MARCHF8: variants seen among roughly 807,000 people sequenced by gnomAD.
MARCHF8 encodes membrane associated ring-CH-type finger 8.
MARCHF8 carries 40 observed loss-of-function variants against 51.6 expected under a neutral mutation model. That is an observed-to-expected ratio of 0.77 (90% CI 0.60 to 1.01). The LOEUF is 1.01. Among genes scored for constraint, MARCHF8 ranks in the 50% least tolerant of loss-of-function variants. The pLI is 0.00. For missense variants in MARCHF8, 685 were observed against 708.6 expected, an observed-to-expected ratio of 0.97 and a Z score of 0.38; for synonymous variants, 263 against 280.3, an observed-to-expected ratio of 0.94 and a Z score of 0.62.
At position 45,533,294 on chromosome 10, in the gene MARCHF8, G is replaced by C; in HGVS notation, c.-78-5C>G. ...TTTTGGGCCATGGATTTCAAGCTGA[G>C]AGAAAATGAAGAGAGAATAAACATA... On this transcript the variant is annotated splice_region_variant and splice_polypyrimidine_tract_variant and intron_variant, in intron 1 of 7. Transcript: ENST00000453424. The C allele has an allele frequency of 6.9e-7, 1 of 1,459,032 alleles. No homozygotes were observed. The highest frequency in any genetic ancestry group is 9.0e-7 in the Non-Finnish European group (1 of 1,105,116). 90.4% of individuals were successfully genotyped at this position (1,459,032 alleles called of 1,614,324 possible).
chr10:45,568,756 A>T (rs1245383943), intron 1 of MARCHF8, among the ~76,000 whole-genome samples: 5 of 147,810 alleles, frequency 3.4e-5, no homozygotes, highest in African/African-American at 1.3e-4. Flanking sequence ...CACTAATGAT[A>T]GCTGGTGAGC....
intron 6 of MARCHF8, 22 bp from the exon 7 acceptor site, chr10:45,459,289 T>C (rs1842713489): frequency 6.2e-7 from 1 of 1,611,788 alleles, no homozygotes; most frequent in Non-Finnish European, 8.5e-7. Flanking sequence ...ACACAGAGTG[T>C]GAGGCTCAGG....
intron 2 of MARCHF8, among the ~76,000 whole-genome samples, chr10:45,519,095 A>C (rs929432799): frequency 1.1e-4 from 17 of 152,198 alleles, no homozygotes; most frequent in African/African-American, 4.1e-4. Context: ...TTTCAATTTG[A>C]TCTTAAAATG....
intron 3 of MARCHF8, among the ~76,000 whole-genome samples, chr10:45,486,906 T>A (rs1425138857): frequency 6.7e-6 from 1 of 149,760 alleles, no homozygotes; most frequent in East Asian, 2.0e-4. Flanking sequence ...GCCTCCCAGG[T>A]TCAAGCGATT....
At chr10:45,467,038 C>A (rs1842991660) in intron 3 of MARCHF8, among the ~76,000 whole-genome samples, 1 of 152,182 alleles carries the variant, frequency 6.6e-6, no homozygotes, top group Non-Finnish European at 1.5e-5. Flanking sequence ...ATGACAGTGA[C>A]AGCGGACCCA....
intron 2 of MARCHF8, among the ~76,000 whole-genome samples, chr10:45,519,061 A>G (rs1198129695): frequency 6.6e-6 from 1 of 152,240 alleles, no homozygotes; most frequent in African/African-American, 2.4e-5. Context: ...AAAACTTCTG[A>G]CAGATTTCAC....
intron 1 of MARCHF8, among the ~76,000 whole-genome samples, chr10:45,551,862 CACAG>C (rs925130684): frequency 2.0e-5 from 3 of 152,034 alleles, no homozygotes; most frequent in African/African-American, 7.3e-5. Context: ...CACACACACA[CACAG>C]ACACACACAC....
chr10:45,562,273 A>C (rs2044319352), intron 1 of MARCHF8, among the ~76,000 whole-genome samples: 1 of 152,218 alleles, frequency 6.6e-6, no homozygotes, highest in African/African-American at 2.4e-5. Flanking sequence ...CAGATAAAAG[A>C]CTTAAATCTA....
At chr10:45,535,962 T>C (rs1327922547), upstream of MARCHF8, among the ~76,000 whole-genome samples, 10 of 152,204 alleles carry the variant, frequency 6.6e-5, no homozygotes, top group Admixed American at 6.5e-5. Context: ...AGATTTAATA[T>C]TGTTAAAATG....
intron 1 of MARCHF8, among the ~76,000 whole-genome samples, chr10:45,564,363 G>A (rs1296695862): frequency 6.6e-6 from 1 of 152,070 alleles, no homozygotes; most frequent in Non-Finnish European, 1.5e-5. Context: ...TGCACTTTAT[G>A]ATCTTAACAG....
At chr10:45,458,751 C>G (rs1447548614) in intron 7 of MARCHF8, among the ~76,000 whole-genome samples, 1 of 152,186 alleles carries the variant, frequency 6.6e-6, no homozygotes, top group Non-Finnish European at 1.5e-5. Flanking sequence ...TCCTGAGCCT[C>G]AGCAATCCTC....
At chr10:45,591,420 T>C (rs1159893103) in intron 1 of MARCHF8, among the ~76,000 whole-genome samples, 1 of 151,368 alleles carries the variant, frequency 6.6e-6, no homozygotes, top group Non-Finnish European at 1.5e-5. Context: ...GCCAAGATGG[T>C]GCCACTGCAC....
At chr10:45,556,054 T>C (rs1034121891) in intron 1 of MARCHF8, among the ~76,000 whole-genome samples, 2 of 152,186 alleles carry the variant, frequency 1.3e-5, no homozygotes, top group African/African-American at 2.4e-5. Flanking sequence ...GAAGAATAAG[T>C]GGTCACTACT....
At chr10:45,487,819 T>C (rs1475813049) in intron 3 of MARCHF8, among the ~76,000 whole-genome samples, 1 of 151,886 alleles carries the variant, frequency 6.6e-6, no homozygotes, top group Non-Finnish European at 1.5e-5. Context: ...AGTCAGCACA[T>C]TAAAATGGCA....
chr10:45,482,333 C>G (rs935588071), intron 3 of MARCHF8, among the ~76,000 whole-genome samples: 1 of 152,000 alleles, frequency 6.6e-6, no homozygotes, highest in Non-Finnish European at 1.5e-5. Context: ...CATATGGAAC[C>G]AAAAAAGAGC....
upstream of MARCHF8, among the ~76,000 whole-genome samples, chr10:45,535,714 CATT>C (rs1356229299): frequency 6.6e-6 from 1 of 152,324 alleles, no homozygotes; most frequent in Non-Finnish European, 1.5e-5. Context: ...TCATATATTA[CATT>C]ATTTTCTTTG....
At chr10:45,546,645 G>A (rs76251457) in intron 1 of MARCHF8, among the ~76,000 whole-genome samples, 6 of 151,886 alleles carry the variant, frequency 4.0e-5, no homozygotes, top group African/African-American at 7.3e-5. Flanking sequence ...ATTGCTGGGC[G>A]TGGTGGTGCA....
At chr10:45,520,042 G>A (rs1447536526) in intron 2 of MARCHF8, among the ~76,000 whole-genome samples, 1 of 152,146 alleles carries the variant, frequency 6.6e-6, no homozygotes, top group East Asian at 1.9e-4. Flanking sequence ...CAGCAGCAGT[G>A]ACCCAAGACT....
chr10:45,476,351 G>T (rs1170531289), intron 3 of MARCHF8, among the ~76,000 whole-genome samples: 1 of 152,160 alleles, frequency 6.6e-6, no homozygotes, highest in East Asian at 1.9e-4. Flanking sequence ...ATTGCTTGAG[G>T]CTAGGAGTTC....
Sources: allele counts gnomAD v4.1 joint callset (sites outside exome capture counted in the v4.1 genomes callset), GRCh38; gene constraint gnomAD v4.1.1; transcripts MANE v1.5; gene names NCBI Gene and HGNC (gene_info 2026-07-23, HGNC 2026-07-21).